The following ATXN7 variants were observed in gnomAD, a reference collection of about 807,000 sequenced individuals.
The protein encoded by ATXN7 is ataxin-7.
In ATXN7, 12 loss-of-function variants were observed where a neutral mutation model predicts 70.5. The ratio of observed to expected loss-of-function variants is 0.17; its 90% CI spans 0.11 to 0.28. The LOEUF (loss-of-function observed/expected upper bound fraction) is 0.28. ATXN7 is among the 10% of genes least tolerant of loss of function. The pLI, the probability that ATXN7 is intolerant of heterozygous loss-of-function variation, is 1.00. For missense variants in ATXN7, 1,256 were observed against 1,131.7 expected, an observed-to-expected ratio of 1.11 and a Z score of -1.58; for synonymous variants, 498 against 448.7, an observed-to-expected ratio of 1.11 and a Z score of -1.39.
chr3:63,919,970 C>T (rs912810812), intron 4 of ATXN7, among the ~76,000 whole-genome samples: 1 of 151,882 alleles, frequency 6.6e-6, no homozygotes, highest in East Asian at 1.9e-4. Flanking sequence ...TTCAAATTCT[C>T]CAGAATCGCT....
intron 4 of ATXN7, 98 bp downstream of exon 4, chr3:63,913,323 C>T (rs1402065692): frequency 8.0e-7 from 1 of 1,245,600 alleles, no homozygotes; most frequent in African/African-American, 1.5e-5. Flanking sequence ...TACCGACTCC[C>T]CGACTCCCCG....
At position 63,988,083 on chromosome 3, in the gene ATXN7, G is replaced by A; in HGVS notation, c.1120G>A (p.Ala374Thr). Residue 374 changes from alanine (A) to threonine (T), a missense_variant, in exon 9 of 13, where the codon GCT (alanine) becomes ACT (threonine). Coordinates refer to ENST00000674280, the MANE Select transcript of ATXN7 (RefSeq NM_001377405.1). ...CKTHSLTQRR[A>T]VQGRRKRFDV... ...GACACATTCCTTAACCCAGCGCAGGGCTGTCCAGGGTAGAAGAAAACGATT... is the reference window on the plus strand; with the variant it reads ...GACACATTCCTTAACCCAGCGCAGGACTGTCCAGGGTAGAAGAAAACGATT... 1 of 1,614,062 alleles carries A rather than the reference G, an allele frequency of 6.2e-7. No individual in the cohort carries two copies. The highest frequency in any genetic ancestry group is 1.1e-5 in the South Asian group (1 of 91,062).
At chr3:63,913,397 G>A (rs1279498325) in intron 4 of ATXN7, among the ~76,000 whole-genome samples, 172 bp downstream of exon 4, 1 of 152,140 alleles carries the variant, frequency 6.6e-6, no homozygotes, top group Non-Finnish European at 1.5e-5. Context: ...GTTTGGTTTG[G>A]GGGCCTCCTG....
At chr3:63,872,396 C>G (rs1212263993) in intron 1 of ATXN7, among the ~76,000 whole-genome samples, 1 of 152,144 alleles carries the variant, frequency 6.6e-6, no homozygotes, top group African/African-American at 2.4e-5. Flanking sequence ...GGCTGCAGTC[C>G]TCTTAAGTCT....
intron 4 of ATXN7, among the ~76,000 whole-genome samples, chr3:63,918,589 T>C (rs1226557101): frequency 6.6e-6 from 1 of 152,172 alleles, no homozygotes; most frequent in Non-Finnish European, 1.5e-5. Flanking sequence ...TTGAAGCATA[T>C]CATTTCTTTT....
At chr3:63,935,853 A>G (rs2074653088) in intron 4 of ATXN7, among the ~76,000 whole-genome samples, 1 of 152,172 alleles carries the variant, frequency 6.6e-6, no homozygotes, top group South Asian at 2.1e-4. Context: ...AAAAGTGAGT[A>G]TACAGCACAA....
rs776092702 is a variant in ATXN7 at position 63,912,908 on chromosome 3, C to G, written c.310C>G (p.Leu104Val). 2 of 1,613,034 alleles carry G rather than the reference C, an allele frequency of 1.2e-6. No individual in the cohort carries two copies. Among genetic ancestry groups the G allele is most frequent in the East Asian group, 2.2e-5 (1 of 44,780 alleles). ...SWNLWVEASK[L>V]PGKDGTELDE... The stretch of plus-strand genomic sequence containing the variant: ...GAATCTGTGGGTTGAGGCTTCCAAA[C>G]TTCCTGGGAAGGACGGTGAGTGTCC... Residue 104 changes from leucine to valine, a missense_variant, in exon 3 of 13, where the codon CTT becomes GTT. Coordinates refer to ENST00000674280, the MANE Select transcript of ATXN7 (RefSeq NM_001377405.1).
chr3:63,982,885 A>G, intron 7 of ATXN7, 54 bp from the exon 8 acceptor site: 2 of 1,367,900 alleles, frequency 1.5e-6, no homozygotes, highest in Non-Finnish European at 2.1e-6. Flanking sequence ...TGCTTAAAAA[A>G]TACATGGAGG....
In ATXN7 at chr3:63,995,947, A is replaced by G. The variant is rs751373346; in HGVS notation, c.2125A>G (p.Asn709Asp). 6.2e-7 allele frequency: 1 copy of G among 1,614,066 alleles called. No homozygotes were observed. The highest frequency in any genetic ancestry group is 1.1e-5 in the South Asian group (1 of 91,068). Reference protein sequence around the residue: ...TSGGSGKKRKNSSPLLVHSSS... With the variant: ...TSGGSGKKRKDSSPLLVHSSS... ...TGGCGGCTCAGGAAAGAAACGCAAA[A>G]ACAGTTCCCCACTGTTGGTTCACTC... is the stretch of plus-strand genomic sequence containing the variant. The change falls in exon 12 of 13, where the codon AAC becomes GAC. Residue 709 changes from asparagine (N) to aspartate (D), a missense_variant. By Grantham distance (23) the Asn-to-Asp change is conservative (BLOSUM62 1). Transcript: ENST00000674280.
chr3:63,940,458 G>C (rs537223909), intron 4 of ATXN7, among the ~76,000 whole-genome samples: 1 of 152,262 alleles, frequency 6.6e-6, no homozygotes, highest in South Asian at 2.1e-4. Context: ...GAGAGCCATG[G>C]AATTTACACA....
At chr3:63,882,341 C>T (rs556565530) in intron 1 of ATXN7, among the ~76,000 whole-genome samples, 2 of 150,840 alleles carry the variant, frequency 1.3e-5, no homozygotes, top group East Asian at 1.9e-4. Context: ...GCAACATTAA[C>T]GGTTATTGTT....
Position 63,912,750 on chromosome 3 carries a change from C to T in ATXN7, c.152C>T (p.Pro51Leu). 1.5e-6 allele frequency: 2 copies of T among 1,306,894 alleles called. No homozygotes were observed. The highest frequency in any genetic ancestry group is 1.9e-6 in the Non-Finnish European group (2 of 1,027,302). The allele number at this position is 1,306,894 out of a possible 1,614,324, so 81.0% of individuals were successfully genotyped here. ...PPPQPQRQQHPPPPPRRTRPE... is the reference protein window; with the variant it reads ...PPPQPQRQQHLPPPPRRTRPE... Reference sequence around the variant, plus strand: ...CCGCAGCCCCAGCGGCAGCAGCACCCGCCACCGCCGCCACGGCGCACACGG... The same window carrying T: ...CCGCAGCCCCAGCGGCAGCAGCACCTGCCACCGCCGCCACGGCGCACACGG... Residue 51 changes from proline to leucine, a missense_variant, in exon 3 of 13, where the codon CCG (proline) becomes CTG (leucine). Pro to Leu is a moderately conservative substitution (Grantham distance 98). Transcript: ENST00000674280.
intron 4 of ATXN7, among the ~76,000 whole-genome samples, chr3:63,915,626 A>G (rs564860546): frequency 3.2e-4 from 49 of 152,288 alleles, no homozygotes; most frequent in African/African-American, 1.2e-3. Context: ...AATTGAAGAA[A>G]TATGTAGATA....
rs143047788 is a variant in ATXN7, at chr3:63,973,019, C to T, written c.500-6896C>T. Among the ~76,000 whole-genome samples, 238 of 152,288 alleles carry T rather than the reference C, an allele frequency of 1.6e-3. 2 individuals carry two copies. The Middle Eastern group carries it at 0.017, about 11-fold the overall frequency. ...TTGGTCCACAGTAGGCTCTGTGCTG[C>T]AGGCTTTGCAACTCTTGATCGTTTA... is the stretch of plus-strand genomic sequence containing the variant. On this transcript the variant is annotated intron_variant, in intron 5 of 12. Transcript: ENST00000674280.
chr3:63,964,763 T>C (rs1444881913), intron 5 of ATXN7, among the ~76,000 whole-genome samples: 1 of 152,242 alleles, frequency 6.6e-6, no homozygotes, highest in African/African-American at 2.4e-5. Context: ...CTAATCTGAT[T>C]CTGGATAGCA....
At chr3:63,923,689 G>A (rs778069019) in intron 4 of ATXN7, among the ~76,000 whole-genome samples, 1 of 152,140 alleles carries the variant, frequency 6.6e-6, no homozygotes, top group Non-Finnish European at 1.5e-5. Context: ...AGCTACTCAG[G>A]AGGCTGAGGT....
intron 5 of ATXN7, among the ~76,000 whole-genome samples, chr3:63,961,178 AT>A (rs1283049887): frequency 1.3e-5 from 2 of 152,030 alleles, no homozygotes; most frequent in Non-Finnish European, 2.9e-5. Flanking sequence ...TTACCAATGT[AT>A]TTTTTCCCCT....
intron 1 of ATXN7, among the ~76,000 whole-genome samples, chr3:63,890,822 G>A (rs964826050): frequency 6.6e-6 from 1 of 152,100 alleles, no homozygotes; most frequent in Non-Finnish European, 1.5e-5. Context: ...GGCTCAGAGT[G>A]TGTTGATTCC....
chr3:63,917,813 A>C (rs957893341), intron 4 of ATXN7, among the ~76,000 whole-genome samples: 3 of 152,086 alleles, frequency 2.0e-5, no homozygotes, highest in Non-Finnish European at 4.4e-5. Context: ...GAATTGAGTC[A>C]CTCTAGTGTG....
Sources: gnomAD v4.1 joint callset for allele counts (sites outside exome capture counted in the v4.1 genomes callset) on GRCh38, gnomAD v4.1.1 for gene constraint, MANE v1.5 for transcripts, NCBI Gene and HGNC (gene_info 2026-07-23, HGNC 2026-07-21) for gene names.